Variants in GPATCH8 observed in about 807,000 individuals in gnomAD.
GPATCH8 encodes the protein G patch domain-containing protein 8.
Under a neutral mutation model 118.3 loss-of-function variants are expected in GPATCH8, and 18 were observed. The observed-to-expected ratio is 0.15, with a 90% CI of 0.11 to 0.23. The LOEUF is 0.23. Among genes scored for constraint, GPATCH8 ranks in the 10% least tolerant of loss-of-function variants. The pLI, the probability that GPATCH8 is intolerant of heterozygous loss-of-function variation, is 1.00. For synonymous variants in GPATCH8, 659 were observed against 684.7 expected, an observed-to-expected ratio of 0.96 and a Z score of 0.59; for missense variants, 1,631 against 1,873.8, an observed-to-expected ratio of 0.87 and a Z score of 2.39.
At chr17:44,484,456 CCA>C (rs1212858111) in intron 1 of GPATCH8, among the ~76,000 whole-genome samples, 2 of 152,154 alleles carry the variant, frequency 1.3e-5, no homozygotes, top group African/African-American at 4.8e-5. Context: ...ATATTTGACA[CCA>C]GAGTCACACT....
At position 44,452,290 on chromosome 17, in the gene GPATCH8, GA is replaced by G. The variant is rs781273009; in HGVS notation, c.193+12181del. Among the ~76,000 whole-genome samples, 841 of 107,184 alleles carry G rather than the reference GA, an allele frequency of 7.8e-3. 3 individuals are homozygous for G. Among genetic ancestry groups the G allele is most frequent in the African/African-American group, 0.024 (661 of 28,060 alleles). The allele number at this position is 107,184 out of a possible 152,430, so 70.3% of individuals were successfully genotyped here. On this transcript the variant is annotated intron_variant, in intron 3 of 7. Transcript: ENST00000591680. ...TCCGTCTCAAAAAAAAAAAAAAAAA[GA>G]AAAAAAAAAAAAGGAAAAAAGATCT...
At chr17:44,472,145 G>A (rs1483898075) in intron 2 of GPATCH8, among the ~76,000 whole-genome samples, 4 of 151,928 alleles carry the variant, frequency 2.6e-5, no homozygotes, top group Admixed American at 6.6e-5. Flanking sequence ...TTCATTAGAA[G>A]TGTAATTACT....
intron 1 of GPATCH8, among the ~76,000 whole-genome samples, chr17:44,477,048 C>T (rs1160541901): frequency 1.3e-5 from 2 of 152,106 alleles, no homozygotes; most frequent in African/African-American, 4.8e-5. Context: ...CTAGCCTAAA[C>T]GAATTCAGTG....
At chr17:44,446,259 C>T (rs941811865) in intron 3 of GPATCH8, among the ~76,000 whole-genome samples, 2 of 152,006 alleles carry the variant, frequency 1.3e-5, no homozygotes, top group South Asian at 2.1e-4. Flanking sequence ...ATATTAGTTT[C>T]GTGATCCAAA....
At chr17:44,486,282 CA>C (rs1968777025) in intron 1 of GPATCH8, 1 of 152,114 alleles carries the variant, frequency 6.6e-6, no homozygotes, top group Admixed American at 6.6e-5. Flanking sequence ...TTTTCTTTAA[CA>C]GCCTGTGTTG....
At chr17:44,470,202 C>T (rs140961309) in intron 2 of GPATCH8, among the ~76,000 whole-genome samples, 1 of 152,250 alleles carries the variant, frequency 6.6e-6, no homozygotes, top group Non-Finnish European at 1.5e-5. Context: ...GTCATTCTCC[C>T]ATCTGATCCC....
chr17:44,430,260 G>A (rs1176786122), intron 5 of GPATCH8, among the ~76,000 whole-genome samples: 3 of 152,096 alleles, frequency 2.0e-5, no homozygotes, highest in African/African-American at 7.2e-5. Context: ...TCTGTGTACA[G>A]ATGCAAAAAT....
chr17:44,399,014 C>A lies in GPATCH8; in HGVS notation c.3063G>T (p.Gly1021=). ...TCTTAGAACGAATGAAGTCCCGACG[C>A]CCAGAATGCCTCTCCTCAGGGCTCT... ...GHESPEERHS[G]RRDFIRSKIY... is the part of the protein sequence containing the mutation. The change falls in exon 8 of 8, where the codon GGG becomes GGT. Residue 1021 remains glycine, a synonymous_variant. Transcript: ENST00000591680. 6.2e-7 allele frequency: 1 copy of A among 1,614,068 alleles called. No homozygotes were observed. The highest frequency in any genetic ancestry group is 8.5e-7 in the Non-Finnish European group (1 of 1,179,960).
intron 4 of GPATCH8, among the ~76,000 whole-genome samples, chr17:44,435,641 TCCTCA>T (rs2050480812): frequency 6.7e-6 from 1 of 148,874 alleles, no homozygotes. Context: ...GATCTTGAAC[TCCTCA>T]CCTCAGGTGA....
At chr17:44,426,381 T>C (rs1460355238) in intron 5 of GPATCH8, among the ~76,000 whole-genome samples, 1 of 152,168 alleles carries the variant, frequency 6.6e-6, no homozygotes, top group Non-Finnish European at 1.5e-5. Flanking sequence ...GGCAGGCAGA[T>C]GGCTTGAGCT....
At chr17:44,486,495 A>G (rs1968793215) in intron 1 of GPATCH8, 1 of 152,208 alleles carries the variant, frequency 6.6e-6, no homozygotes, top group Non-Finnish European at 1.5e-5. Flanking sequence ...AATTTTTTTT[A>G]ACAATTTTTG....
intron 5 of GPATCH8, among the ~76,000 whole-genome samples, chr17:44,425,720 G>A (rs2050067911): frequency 6.6e-6 from 1 of 151,944 alleles, no homozygotes; most frequent in Non-Finnish European, 1.5e-5. Flanking sequence ...GTAGAGATGA[G>A]GTCTCACTAT....
chr17:44,436,399 T>C (rs2050514838), intron 4 of GPATCH8, 79 bp downstream of exon 4: 1 of 783,608 alleles, frequency 1.3e-6, no homozygotes, highest in East Asian at 2.4e-5. Context: ...AAATGTATTC[T>C]TGCACAGACA....
intron 6 of GPATCH8, among the ~76,000 whole-genome samples, chr17:44,408,362 T>C (rs1347336177): frequency 2.6e-5 from 4 of 152,084 alleles, no homozygotes; most frequent in Non-Finnish European, 4.4e-5. Flanking sequence ...ATTTTTTATA[T>C]TTTTAGTAGA....
Position 44,396,330 on chromosome 17 carries a change from A to G in GPATCH8, c.*1238T>C, listed in dbSNP as rs1247269455. 2.2e-6 allele frequency: 1 copy of G among 454,504 alleles called. No homozygotes were observed. Among genetic ancestry groups the G allele is most frequent in the Non-Finnish European group, 4.4e-6 (1 of 226,782 alleles). 28.2% of individuals were successfully genotyped at this position (454,504 alleles called of 1,614,324 possible). A position where few individuals can be genotyped will look rare whatever the true frequency, so the allele number is the denominator to read the frequency against. On this transcript the variant is annotated 3_prime_UTR_variant, in exon 8 of 8. Coordinates refer to ENST00000591680, the MANE Select transcript of GPATCH8 (RefSeq NM_001002909.4). ...TGGGGTCTACCTGTTTCTCTGTGTA[A>G]AACAGCAAAAGTACATGAGGGAGAC...
chr17:44,503,049 T>TC (rs971581619), intron 1 of GPATCH8, among the ~76,000 whole-genome samples: 1 of 152,100 alleles, frequency 6.6e-6, no homozygotes, highest in Non-Finnish European at 1.5e-5. Flanking sequence ...GCACAGCCCC[T>TC]CACACGGCGC....
intron 3 of GPATCH8, among the ~76,000 whole-genome samples, chr17:44,449,265 G>A (rs968489221): frequency 2.0e-5 from 3 of 152,192 alleles, no homozygotes; most frequent in South Asian, 2.1e-4. Flanking sequence ...CAACAATAGC[G>A]AAACTGTCTC....
At chr17:44,488,957 G>T (rs1051630526) in intron 1 of GPATCH8, among the ~76,000 whole-genome samples, 2 of 151,364 alleles carry the variant, frequency 1.3e-5, no homozygotes, top group African/African-American at 4.9e-5. Flanking sequence ...ATGATGGCGG[G>T]TGCCTGTAAT....
At chr17:44,487,246 C>T (rs1197840336) in intron 1 of GPATCH8, among the ~76,000 whole-genome samples, 2 of 151,474 alleles carry the variant, frequency 1.3e-5, no homozygotes, top group Non-Finnish European at 2.9e-5. Flanking sequence ...CATATATTTG[C>T]AATCATTATG....
Sources: allele counts gnomAD v4.1 joint callset (sites outside exome capture counted in the v4.1 genomes callset), GRCh38; gene constraint gnomAD v4.1.1; transcripts MANE v1.5; gene names NCBI Gene and HGNC (gene_info 2026-07-23, HGNC 2026-07-21).